CALN1: variants seen among roughly 807,000 people sequenced by gnomAD.
The protein encoded by CALN1 is calneuron 1, also known as calcium-binding protein 8.
A neutral mutation model predicts 30.6 loss-of-function variants in CALN1; 17 were observed. The ratio of observed to expected loss-of-function variants is 0.56; its 90% confidence interval spans 0.38 to 0.83. The LOEUF is 0.83. CALN1 is among the 40% of genes least tolerant of loss of function. CALN1 has a pLI of 0.00. For synonymous variants in CALN1, 156 were observed against 131.4 expected, an observed-to-expected ratio of 1.19 and a Z score of -1.28; for missense variants, 291 against 354.9, an observed-to-expected ratio of 0.82 and a Z score of 1.45.
chr7:71,797,272 T>C (rs1286676100), intron 6 of CALN1, among the ~76,000 whole-genome samples: 1 of 152,140 alleles, frequency 6.6e-6, no homozygotes, highest in Non-Finnish European at 1.5e-5. Context: ...TGCAGGGATG[T>C]TAAAAAATAA....
At chr7:72,471,230 G>A in the CALN1 span, among the ~76,000 whole-genome samples, 26 of 152,224 alleles carry the variant, frequency 1.7e-4, no homozygotes, top group East Asian at 4.6e-3. Flanking sequence ...GGAGCTTATA[G>A]GGTTTCCTAA....
At chr7:72,262,916 T>C (rs188745866) in intron 3 of CALN1, among the ~76,000 whole-genome samples, 43 of 152,324 alleles carry the variant, frequency 2.8e-4, no homozygotes, top group Non-Finnish European at 5.4e-4. Flanking sequence ...CCTTATGCGC[T>C]TAGAGCTAAG....
intron 2 of CALN1, among the ~76,000 whole-genome samples, chr7:72,393,682 A>C (rs1025720162): frequency 6.6e-6 from 1 of 152,060 alleles, no homozygotes; most frequent in Non-Finnish European, 1.5e-5. Flanking sequence ...TGATGCTCCA[A>C]AGCCCTTTTG....
intron 5 of CALN1, among the ~76,000 whole-genome samples, chr7:71,890,076 G>A (rs1287964954): frequency 6.6e-6 from 1 of 152,048 alleles, no homozygotes; most frequent in Non-Finnish European, 1.5e-5. Flanking sequence ...TTCCCTGAAT[G>A]AGAGCAATGA....
chr7:72,073,550 G>C (rs1316095488), intron 4 of CALN1, among the ~76,000 whole-genome samples: 2 of 152,068 alleles, frequency 1.3e-5, no homozygotes, highest in Non-Finnish European at 2.9e-5. Flanking sequence ...CCAGCCTGGA[G>C]AAAAAGGGGA....
At chr7:72,402,418 C>G (rs943001787) in intron 2 of CALN1, among the ~76,000 whole-genome samples, 4 of 152,204 alleles carry the variant, frequency 2.6e-5, no homozygotes, top group African/African-American at 9.7e-5. Flanking sequence ...TATACACTTA[C>G]AGTCGCCACT....
intron 4 of CALN1, among the ~76,000 whole-genome samples, chr7:72,051,037 TAA>T (rs1477594904): frequency 6.6e-6 from 1 of 150,560 alleles, no homozygotes; most frequent in East Asian, 1.9e-4. Context: ...AATAAATAAA[TAA>T]ATATTTTGTT....
chr7:72,298,070 A>G (rs143664992), intron 2 of CALN1, among the ~76,000 whole-genome samples: 2,106 of 152,212 alleles, frequency 0.014, 24 homozygotes, highest in Non-Finnish European at 0.021. Context: ...AAAAACATCT[A>G]TTTTCAAAAA....
chr7:72,395,692 G>T (rs1173214520), intron 2 of CALN1, among the ~76,000 whole-genome samples: 1 of 152,180 alleles, frequency 6.6e-6, no homozygotes, highest in Non-Finnish European at 1.5e-5. Context: ...GAGGGTGAAA[G>T]AGTGATGAAA....
intron 1 of CALN1, among the ~76,000 whole-genome samples, chr7:72,407,680 T>C (rs566208556): frequency 6.6e-6 from 1 of 152,272 alleles, no homozygotes; most frequent in African/African-American, 2.4e-5. Context: ...TCTTTGTAAA[T>C]TACCCAGTCT....
chr7:72,359,419 A>G (rs1319529123), intron 2 of CALN1, among the ~76,000 whole-genome samples: 3 of 152,180 alleles, frequency 2.0e-5, no homozygotes, highest in African/African-American at 4.8e-5. Context: ...TATTTTACAT[A>G]TATCTGCTGC....
intron 2 of CALN1, among the ~76,000 whole-genome samples, chr7:72,291,548 TG>T (rs1370413317): frequency 6.6e-6 from 1 of 152,258 alleles, no homozygotes; most frequent in Non-Finnish European, 1.5e-5. Flanking sequence ...GCACATCCCC[TG>T]GAACACTGGC....
At chr7:71,973,389 T>C (rs1055400207) in intron 5 of CALN1, among the ~76,000 whole-genome samples, 8 of 152,200 alleles carry the variant, frequency 5.3e-5, no homozygotes, top group Non-Finnish European at 1.2e-4. Flanking sequence ...TTGGCCAGGC[T>C]GGTCTCAAAC....
At chr7:71,814,910 T>C (rs553554130) in intron 5 of CALN1, among the ~76,000 whole-genome samples, 1 of 151,980 alleles carries the variant, frequency 6.6e-6, no homozygotes, top group African/African-American at 2.4e-5. Flanking sequence ...CTTGGCTCAC[T>C]GTAATCTCCG....
At chr7:72,167,085 G>C (rs1189290021) in intron 3 of CALN1, among the ~76,000 whole-genome samples, 1 of 152,010 alleles carries the variant, frequency 6.6e-6, no homozygotes, top group African/African-American at 2.4e-5. Context: ...AAATAAAGCA[G>C]TTAATAATAA....
intron 3 of CALN1, among the ~76,000 whole-genome samples, chr7:72,250,563 T>A (rs77518222): frequency 6.6e-6 from 1 of 152,252 alleles, no homozygotes; most frequent in Non-Finnish European, 1.5e-5. Context: ...ATGTGATCCC[T>A]GGTGTTGGAG....
At chr7:72,452,925 T>C in the CALN1 span, among the ~76,000 whole-genome samples, 1 of 152,094 alleles carries the variant, frequency 6.6e-6, no homozygotes, top group Non-Finnish European at 1.5e-5. Flanking sequence ...CTAGTGCTCC[T>C]ACCTGCCGGC....
chr7:72,247,794 GACCAGCCTGGGCA>G (rs1795290860), intron 3 of CALN1, among the ~76,000 whole-genome samples: 1 of 152,096 alleles, frequency 6.6e-6, no homozygotes, highest in Non-Finnish European at 1.5e-5. Context: ...AGTTGGAGAT[GACCAGCCTGGGCA>G]ATACAGCAAG....
intron 3 of CALN1, among the ~76,000 whole-genome samples, chr7:72,214,723 G>C (rs1283955423): frequency 6.6e-6 from 1 of 152,004 alleles, no homozygotes; most frequent in Non-Finnish European, 1.5e-5. Flanking sequence ...GAGGGGTGCA[G>C]AAGTGAAGCT....
Sources: gnomAD v4.1 joint callset for allele counts (sites outside exome capture counted in the v4.1 genomes callset) on GRCh38, gnomAD v4.1.1 for gene constraint, MANE v1.5 for transcripts, NCBI Gene and HGNC (gene_info 2026-07-23, HGNC 2026-07-21) for gene names.